The following DNAH14 variants were observed in gnomAD, a reference collection of about 807,000 sequenced individuals.
DNAH14 encodes the protein dynein axonemal heavy chain 14, also known as axonemal beta dynein heavy chain 14.
Under a neutral mutation model 520.9 loss-of-function variants are expected in DNAH14, and 478 were observed. The observed-to-expected ratio is 0.92, with a 90% CI of 0.85 to 0.99. The LOEUF is 0.99. Ranked by LOEUF, DNAH14 falls within the 50% of genes least tolerant of loss-of-function variation. The probability of loss-of-function intolerance (pLI) is 0.00; values close to 1 mark genes in which losing one functional copy is unlikely to be tolerated. For synonymous variants in DNAH14, 1,581 were observed against 1,757.2 expected (o/e 0.90, Z 2.51); for missense variants, 4,831 against 5,234.5 (o/e 0.92, Z 2.38).
At chr1:225,183,627 C>A (rs544266221) in intron 36 of DNAH14, among the ~76,000 whole-genome samples, 5 of 150,444 alleles carry the variant, frequency 3.3e-5, no homozygotes, top group African/African-American at 1.2e-4. Context: ...ATCAATGAAA[C>A]CAAAAGTTGG....
At chr1:225,127,376 A>C (rs2077847664) in intron 27 of DNAH14, among the ~76,000 whole-genome samples, 1 of 151,728 alleles carries the variant, frequency 6.6e-6, no homozygotes, top group Non-Finnish European at 1.5e-5. Context: ...GACTTGCTTT[A>C]TGAATCTGGG....
At chr1:224,945,718 C>G (rs1427322798) in intron 1 of DNAH14, among the ~76,000 whole-genome samples, 1 of 152,290 alleles carries the variant, frequency 6.6e-6, no homozygotes, top group African/African-American at 2.4e-5. Flanking sequence ...AGTCAGGACC[C>G]TCAGGTGCAG....
chr1:225,129,408 C>G (rs1210324123), intron 27 of DNAH14, among the ~76,000 whole-genome samples: 5 of 150,642 alleles, frequency 3.3e-5, no homozygotes, highest in Admixed American at 3.3e-4. Flanking sequence ...CGCTACCTGA[C>G]TTCAAACTAT....
At position 225,050,231 on chromosome 1, in the gene DNAH14, A is replaced by G. The variant is rs1428618301; in HGVS notation, c.1934A>G (p.Gln645Arg). Residue 645 changes from glutamine (Q) to arginine (R), a missense_variant, in exon 16 of 86, where the codon CAA becomes CGA. By Grantham distance (43) the Gln-to-Arg change is conservative. Transcript: ENST00000682510. Reference protein sequence around the residue: ...KCITTITPLCQDPQLSIFIDL... With the variant: ...KCITTITPLCRDPQLSIFIDL... ...TTAGCCACAATTACTCCTCTTTGCC[A>G]AGATCCCCAGCTGTCTATCTTCATT... 1 of 1,539,240 alleles carries G rather than the reference A, an allele frequency of 6.5e-7. No homozygotes were observed. Among genetic ancestry groups the G allele is most frequent in the African/African-American group, 1.4e-5 (1 of 72,402 alleles).
chr1:225,386,518 G>T lies in DNAH14; in HGVS notation c.13078-1861G>T, dbSNP rs540697746. Among the ~76,000 whole-genome samples the T allele has an allele frequency of 3.3e-5, 5 of 152,112 alleles. No individual in the cohort carries two copies. The South Asian group carries it at 8.3e-4, about 25-fold the overall frequency. Reference sequence around the variant, plus strand: ...CTAATATCCAGAATCTACAAAGAACGTAAATAAATTTACAAGAAAAAAATC... The same window carrying T: ...CTAATATCCAGAATCTACAAAGAACTTAAATAAATTTACAAGAAAAAAATC... On this transcript the variant is annotated intron_variant, in intron 81 of 85. Transcript: ENST00000682510.
chr1:225,237,419 G>A (rs988892300), intron 42 of DNAH14, among the ~76,000 whole-genome samples: 1 of 152,056 alleles, frequency 6.6e-6, no homozygotes, highest in Non-Finnish European at 1.5e-5. Context: ...TAAACTCTAG[G>A]AATGTTGAAT....
chr1:225,078,858 C>CT (rs1248816857), intron 17 of DNAH14, among the ~76,000 whole-genome samples: 9 of 41,592 alleles, frequency 2.2e-4, no homozygotes, highest in Admixed American at 5.7e-4. Flanking sequence ...CTCTCTCTCT[C>CT]CCTCTCTCTC....
chr1:224,975,704 G>A (rs1278248272), intron 8 of DNAH14, among the ~76,000 whole-genome samples: 1 of 150,836 alleles, frequency 6.6e-6, no homozygotes, highest in Non-Finnish European at 1.5e-5. Context: ...TTTTTTGAAG[G>A]GTTTCTTGTG....
chr1:225,122,136 C>A (rs2077349732), intron 26 of DNAH14, among the ~76,000 whole-genome samples: 1 of 152,062 alleles, frequency 6.6e-6, no homozygotes, highest in Non-Finnish European at 1.5e-5. Flanking sequence ...AAGTTTTCTT[C>A]CCTCTCCTTT....
At chr1:225,058,474 A>G (rs570751897) in intron 17 of DNAH14, among the ~76,000 whole-genome samples, 26 of 152,294 alleles carry the variant, frequency 1.7e-4, no homozygotes, top group African/African-American at 6.0e-4. Flanking sequence ...ATCTTTTCAA[A>G]AAACCAGCTC....
At chr1:225,063,722 G>C (rs1260270510) in intron 17 of DNAH14, among the ~76,000 whole-genome samples, 6 of 151,980 alleles carry the variant, frequency 3.9e-5, no homozygotes, top group Admixed American at 3.9e-4. Context: ...AGAGACAAAA[G>C]TTATCTGAAA....
intron 17 of DNAH14, among the ~76,000 whole-genome samples, chr1:225,065,522 C>T (rs1346954868): frequency 6.6e-6 from 1 of 151,676 alleles, no homozygotes; most frequent in East Asian, 1.9e-4. Context: ...TCCATTTCCC[C>T]CACCCATAGC....
chr1:225,277,837 A>G (rs2093525979), intron 54 of DNAH14, among the ~76,000 whole-genome samples: 2 of 152,348 alleles, frequency 1.3e-5, no homozygotes, highest in Non-Finnish European at 2.9e-5. Flanking sequence ...CTTTTGCACA[A>G]TGTTTTGCTT....
chr1:225,084,603 C>T (rs2073522527), intron 20 of DNAH14, among the ~76,000 whole-genome samples: 4 of 151,894 alleles, frequency 2.6e-5, no homozygotes, highest in African/African-American at 9.7e-5. Flanking sequence ...CAATGGTATG[C>T]ATATGATGAA....
Position 225,075,405 on chromosome 1 carries a change from T to C in DNAH14, c.2425-3802T>C, listed in dbSNP as rs560928464. On this transcript the variant is annotated intron_variant, in intron 17 of 85. Transcript: ENST00000682510. Reference sequence around the variant, plus strand: ...TTTTCATACCTCTCTGTGAGAGCAATGCATTCTAGCTGCTTCTAGTCAGCC... The same window carrying C: ...TTTTCATACCTCTCTGTGAGAGCAACGCATTCTAGCTGCTTCTAGTCAGCC... Among the ~76,000 whole-genome samples, 12 of 152,326 alleles carry C rather than the reference T, an allele frequency of 7.9e-5. No individual in the cohort carries two copies. In the East Asian group the frequency reaches 2.1e-3, roughly 27 times the overall value.
intron 8 of DNAH14, among the ~76,000 whole-genome samples, chr1:225,001,574 T>A (rs979914170): frequency 6.6e-6 from 1 of 152,324 alleles, no homozygotes; most frequent in South Asian, 2.1e-4. Flanking sequence ...AATTTTTTCA[T>A]GTTTTCCATG....
intron 64 of DNAH14, among the ~76,000 whole-genome samples, chr1:225,330,826 G>T (rs1405688166): frequency 6.6e-6 from 1 of 152,116 alleles, no homozygotes; most frequent in East Asian, 1.9e-4. Flanking sequence ...GTAACACAAA[G>T]GATAAATGCT....
intron 64 of DNAH14, among the ~76,000 whole-genome samples, chr1:225,328,739 T>C (rs1453184076): frequency 6.6e-6 from 1 of 152,140 alleles, no homozygotes; most frequent in Admixed American, 6.6e-5. Context: ...AGACACTTCA[T>C]ATGTTTAAGT....
Position 225,093,816 on chromosome 1 carries a change from A to G in DNAH14, c.3574-3302A>G, listed in dbSNP as rs150882658. On this transcript the variant is annotated intron_variant, in intron 21 of 85. Coordinates refer to ENST00000682510, the MANE Select transcript of DNAH14 (RefSeq NM_001367479.1). ...GATACAAAATTAATGTACAAAAATC[A>G]GTAGCATTTCTATACACCAACAACA... Among the ~76,000 whole-genome samples the G allele has an allele frequency of 2.1e-3, 319 of 152,324 alleles. 1 individual carries two copies. Among genetic ancestry groups the G allele is most frequent in the Non-Finnish European group, 3.7e-3 (254 of 68,032 alleles).
Sources: gnomAD v4.1 joint callset for allele counts (sites outside exome capture counted in the v4.1 genomes callset) on GRCh38, gnomAD v4.1.1 for gene constraint, MANE v1.5 for transcripts, NCBI Gene and HGNC (gene_info 2026-07-23, HGNC 2026-07-21) for gene names.